CDH7: variants seen among roughly 807,000 people sequenced by gnomAD.
The protein encoded by CDH7 is cadherin-7.
In CDH7, 25 loss-of-function variants were observed where a neutral mutation model predicts 71.8. The observed-to-expected ratio is 0.35, with a 90% CI of 0.25 to 0.49. The LOEUF is 0.49. Among genes scored for constraint, CDH7 ranks in the 20% least tolerant of loss-of-function variants. CDH7 has a pLI of 0.99. For missense variants in CDH7, 862 were observed against 974.6 expected (o/e 0.88, Z 1.54); for synonymous variants, 381 against 363.8 (o/e 1.05, Z -0.54).
At chr18:65,768,222 GT>G (rs552676667) in intron 2 of CDH7, among the ~76,000 whole-genome samples, 15 of 82,010 alleles carry the variant, frequency 1.8e-4, no homozygotes, top group South Asian at 4.6e-4. Flanking sequence ...ATGCGTTGTT[GT>G]TTTTTTTTTT....
intron 11 of CDH7, among the ~76,000 whole-genome samples, chr18:65,877,623 G>A (rs945523457): frequency 6.6e-6 from 1 of 151,960 alleles, no homozygotes; most frequent in Non-Finnish European, 1.5e-5. Context: ...TTCAACATGT[G>A]TAACAGGTGT....
intron 7 of CDH7, among the ~76,000 whole-genome samples, chr18:65,848,169 C>T (rs1228039574): frequency 6.6e-6 from 1 of 152,048 alleles, no homozygotes; most frequent in Non-Finnish European, 1.5e-5. Flanking sequence ...AACTTCACTT[C>T]TGTGTTTCTC....
intron 2 of CDH7, among the ~76,000 whole-genome samples, chr18:65,795,168 G>A (rs1353968571): frequency 1.3e-5 from 2 of 152,030 alleles, no homozygotes; most frequent in Non-Finnish European, 2.9e-5. Flanking sequence ...ATTTCACATA[G>A]TACTGAAGTT....
At chr18:65,798,678 G>T (rs1038181224) in intron 2 of CDH7, among the ~76,000 whole-genome samples, 1 of 152,134 alleles carries the variant, frequency 6.6e-6, no homozygotes, top group African/African-American at 2.4e-5. Context: ...GTAGGGAAGG[G>T]TCTTCATAGT....
intron 5 of CDH7, among the ~76,000 whole-genome samples, chr18:65,823,307 G>A (rs940841117): frequency 1.3e-5 from 2 of 151,770 alleles, no homozygotes; most frequent in Admixed American, 1.3e-4. Context: ...TGATCTTGAT[G>A]GCTTATCATG....
intron 1 of CDH7, among the ~76,000 whole-genome samples, chr18:65,758,447 G>C (rs1012341943): frequency 6.6e-5 from 10 of 152,166 alleles, no homozygotes; most frequent in African/African-American, 2.4e-4. Flanking sequence ...GGGAGAGTTG[G>C]TTACTGCCAA....
chr18:65,862,314 G>A (rs996014789), intron 10 of CDH7, among the ~76,000 whole-genome samples: 7 of 152,096 alleles, frequency 4.6e-5, no homozygotes, highest in East Asian at 1.9e-4. Context: ...CTGTTAATAT[G>A]TACCATCCTT....
intron 2 of CDH7, among the ~76,000 whole-genome samples, chr18:65,776,401 C>CACAGAGAG (rs1370490839): frequency 8.0e-6 from 1 of 124,676 alleles, no homozygotes; most frequent in African/African-American, 3.4e-5. Flanking sequence ...CACACACACA[C>CACAGAGAG]AGAGAGAGAG....
chr18:65,849,528 C>T lies in CDH7; in HGVS notation c.1235+5463C>T, dbSNP rs569673812. 2.0e-5 allele frequency among the ~76,000 whole-genome samples: 3 copies of T among 151,382 alleles called. No homozygotes were observed. In the East Asian group the frequency reaches 5.9e-4, roughly 30 times the overall value. On this transcript the variant is annotated intron_variant, in intron 7 of 11. Transcript: ENST00000397968. ...CCCAAGTTCAAGCAATTCTTCTGCC[C>T]CTGCCTCCCGAGTAGCTGGCATTAC... is the stretch of plus-strand genomic sequence containing the variant.
intron 2 of CDH7, among the ~76,000 whole-genome samples, chr18:65,779,024 T>A (rs1282278585): frequency 1.3e-5 from 2 of 151,556 alleles, no homozygotes; most frequent in African/African-American, 4.8e-5. Context: ...TTTCTTTCAA[T>A]GTAGCCCTTT....
intron 2 of CDH7, among the ~76,000 whole-genome samples, chr18:65,782,107 C>CTTCCTTCTTTCTTTCTTTCTTTCTTTCT (rs1910309338): frequency 1.2e-4 from 3 of 25,220 alleles, no homozygotes; most frequent in Non-Finnish European, 1.8e-4. Context: ...TCCTTCCTTC[C>CTTCCTTCTTTCTTTCTTTCTTTCTTTCT]TTCTTTCTTT....
At chr18:65,781,085 C>T (rs946515560) in intron 2 of CDH7, among the ~76,000 whole-genome samples, 4 of 151,968 alleles carry the variant, frequency 2.6e-5, no homozygotes, top group African/African-American at 7.3e-5. Context: ...TAAGAATCTT[C>T]CCAAGATGGT....
At position 65,780,918 on chromosome 18, in the gene CDH7, G is replaced by GTTT. The variant is rs35645871; in HGVS notation, c.210+17883_210+17885dup. ...GCCTTGTTTGCCTCTCTCTATTCCT[G>GTTT]TTTTTTTTTTTTTTTTTTTCGGAGA... is the stretch of plus-strand genomic sequence containing the variant. On this transcript the variant is annotated intron_variant, in intron 2 of 11. Transcript: ENST00000397968. Among the ~76,000 whole-genome samples, 296 of 104,816 alleles carry GTTT rather than the reference G, an allele frequency of 2.8e-3. 4 individuals carry two copies. Among genetic ancestry groups the GTTT allele is most frequent in the African/African-American group, 8.6e-3 (276 of 32,182 alleles). 68.8% of individuals were successfully genotyped at this position (104,816 alleles called of 152,430 possible). A position where few individuals can be genotyped will look rare whatever the true frequency, so the allele number is the denominator to read the frequency against.
intron 6 of CDH7, among the ~76,000 whole-genome samples, chr18:65,841,994 A>T: frequency 6.6e-6 from 1 of 152,312 alleles, no homozygotes; most frequent in East Asian, 1.9e-4. Flanking sequence ...GTAAAACCTG[A>T]GATAAAAATT....
intron 6 of CDH7, among the ~76,000 whole-genome samples, chr18:65,835,101 GC>G (rs1912488344): frequency 6.6e-6 from 1 of 152,108 alleles, no homozygotes; most frequent in Non-Finnish European, 1.5e-5. Flanking sequence ...AAAACAAGGG[GC>G]CTGGACCTCT....
chr18:65,790,018 A>G (rs1910654514), intron 2 of CDH7, among the ~76,000 whole-genome samples: 1 of 151,722 alleles, frequency 6.6e-6, no homozygotes, highest in South Asian at 2.1e-4. Context: ...TCACGAGGTC[A>G]GAAGATCGAG....
At chr18:65,780,920 T>TG (rs2143828669) in intron 2 of CDH7, among the ~76,000 whole-genome samples, 1 of 116,730 alleles carries the variant, frequency 8.6e-6, no homozygotes, top group African/African-American at 7.8e-5. Flanking sequence ...CTATTCCTGT[T>TG]TTTTTTTTTT....
chr18:65,764,418 G>T (rs905991208), intron 2 of CDH7, among the ~76,000 whole-genome samples: 2 of 151,852 alleles, frequency 1.3e-5, no homozygotes, highest in Non-Finnish European at 2.9e-5. Context: ...GAGGTGTTTT[G>T]TGTACTAATA....
intron 11 of CDH7, among the ~76,000 whole-genome samples, chr18:65,873,437 A>C (rs1320098296): frequency 6.6e-6 from 1 of 152,224 alleles, no homozygotes; most frequent in African/African-American, 2.4e-5. Flanking sequence ...TTTATTAGAA[A>C]AAGTAAAAAG....
Sources: allele counts gnomAD v4.1 joint callset (sites outside exome capture counted in the v4.1 genomes callset), GRCh38; gene constraint gnomAD v4.1.1; transcripts MANE v1.5; gene names NCBI Gene and HGNC (gene_info 2026-07-23, HGNC 2026-07-21).